Variants in PDE1A observed in about 807,000 individuals in gnomAD.
PDE1A encodes phosphodiesterase 1A.
In PDE1A, 35 loss-of-function variants were observed where a neutral mutation model predicts 61.7. The ratio of observed to expected loss-of-function variants is 0.57; its 90% CI spans 0.43 to 0.75. The LOEUF (loss-of-function observed/expected upper bound fraction) is 0.75. Ranked by LOEUF, PDE1A falls within the 30% of genes least tolerant of loss-of-function variation. The pLI is 0.00. For missense variants in PDE1A, 597 were observed against 630.6 expected, an observed-to-expected ratio of 0.95 and a Z score of 0.57; for synonymous variants, 232 against 213.2, an observed-to-expected ratio of 1.09 and a Z score of -0.77.
At chr2:182,267,949 A>G (rs147947500) in intron 1 of PDE1A, among the ~76,000 whole-genome samples, 29 of 152,252 alleles carry the variant, frequency 1.9e-4, no homozygotes, top group African/African-American at 7.0e-4. Context: ...AAGCCATCCA[A>G]TAGACAAATT....
downstream of PDE1A, among the ~76,000 whole-genome samples, chr2:182,164,859 T>C (rs1691571296): frequency 6.6e-6 from 1 of 152,182 alleles, no homozygotes; most frequent in Admixed American, 6.6e-5. Flanking sequence ...CTGCATACAA[T>C]GCTATTGCCA....
chr2:182,323,695 A>G (rs1224062242), intron 1 of PDE1A, among the ~76,000 whole-genome samples: 1 of 152,146 alleles, frequency 6.6e-6, no homozygotes, highest in African/African-American at 2.4e-5. Context: ...AGGTCTGGCT[A>G]TCGTCAATGA....
intron 1 of PDE1A, among the ~76,000 whole-genome samples, chr2:182,271,317 A>G (rs188662781): frequency 1.8e-4 from 28 of 152,164 alleles, no homozygotes; most frequent in Admixed American, 1.6e-3. Context: ...CAAAAATAGT[A>G]TGGCAAACAG....
At chr2:182,655,892 C>A in the PDE1A span, among the ~76,000 whole-genome samples, 7 of 152,300 alleles carry the variant, frequency 4.6e-5, no homozygotes, top group African/African-American at 1.7e-4. Context: ...TGACCACTGT[C>A]ACAATTAAAT....
At chr2:182,178,212 T>C (rs973742050) in intron 13 of PDE1A, among the ~76,000 whole-genome samples, 17 of 152,180 alleles carry the variant, frequency 1.1e-4, no homozygotes, top group African/African-American at 3.9e-4. Flanking sequence ...GCCACATCCA[T>C]GCATGGCTAA....
At chr2:182,516,147 T>C (rs1367760677) in intron 2 of PDE1A, among the ~76,000 whole-genome samples, 1 of 152,190 alleles carries the variant, frequency 6.6e-6, no homozygotes, top group Non-Finnish European at 1.5e-5. Context: ...AGCTCAGAAA[T>C]CTGGTGCAAA....
intron 10 of PDE1A, among the ~76,000 whole-genome samples, chr2:182,190,532 T>C (rs1027410317): frequency 6.6e-6 from 1 of 151,312 alleles, no homozygotes; most frequent in Non-Finnish European, 1.5e-5. Flanking sequence ...AATTTTGTGA[T>C]CTTGATTTAC....
the PDE1A span, among the ~76,000 whole-genome samples, chr2:182,593,875 C>T: frequency 6.6e-6 from 1 of 152,180 alleles, no homozygotes; most frequent in Admixed American, 6.5e-5. Flanking sequence ...ATAGCATCTG[C>T]ATATTTGAGT....
At chr2:182,674,667 T>C in the PDE1A span, among the ~76,000 whole-genome samples, 3 of 151,890 alleles carry the variant, frequency 2.0e-5, no homozygotes, top group African/African-American at 7.2e-5. Flanking sequence ...CCTCTGATCA[T>C]AGTGAGGCAG....
intron 13 of PDE1A, among the ~76,000 whole-genome samples, chr2:182,160,953 T>C (rs1691344929): frequency 6.6e-6 from 1 of 152,186 alleles, no homozygotes; most frequent in African/African-American, 2.4e-5. Context: ...TGGCGTGAAC[T>C]GTTTATAGAG....
chr2:182,257,489 A>G (rs1225802435), intron 2 of PDE1A, among the ~76,000 whole-genome samples: 1 of 152,202 alleles, frequency 6.6e-6, no homozygotes, highest in African/African-American at 2.4e-5. Flanking sequence ...CTCCTTTGGC[A>G]TTTAGAAGAC....
chr2:182,158,129 C>T (rs146161515), intron 13 of PDE1A, among the ~76,000 whole-genome samples: 38 of 152,208 alleles, frequency 2.5e-4, no homozygotes, highest in East Asian at 1.7e-3. Flanking sequence ...AGTTTGTGAA[C>T]GTAGTGGTGG....
the PDE1A span, among the ~76,000 whole-genome samples, chr2:182,568,966 A>AT: frequency 6.6e-6 from 1 of 151,972 alleles, no homozygotes; most frequent in African/African-American, 2.4e-5. Flanking sequence ...TCATCTTGAT[A>AT]TTTTTTACAT....
the PDE1A span, among the ~76,000 whole-genome samples, chr2:182,568,510 CAGA>C: frequency 2.6e-5 from 4 of 151,980 alleles, no homozygotes; most frequent in Non-Finnish European, 5.9e-5. Context: ...ACTAAAAATA[CAGA>C]AAGTTAGCCA....
At chr2:182,651,791 T>C in the PDE1A span, among the ~76,000 whole-genome samples, 2 of 152,182 alleles carry the variant, frequency 1.3e-5, no homozygotes, top group Non-Finnish European at 2.9e-5. Context: ...AATAAAGGCA[T>C]AGCTAGAAAT....
At chr2:182,296,898 T>C (rs1261475546) in intron 1 of PDE1A, among the ~76,000 whole-genome samples, 1 of 152,236 alleles carries the variant, frequency 6.6e-6, no homozygotes, top group Non-Finnish European at 1.5e-5. Flanking sequence ...TTTTTCTTTC[T>C]GCCTTCCTAA....
At chr2:182,435,522 CT>C in intron 2 of PDE1A, among the ~76,000 whole-genome samples, 1 of 152,142 alleles carries the variant, frequency 6.6e-6, no homozygotes, top group Non-Finnish European at 1.5e-5. Flanking sequence ...GTTACAGAGG[CT>C]CACACCATCA....
chr2:182,628,709 G>A, the PDE1A span, among the ~76,000 whole-genome samples: 1 of 151,910 alleles, frequency 6.6e-6, no homozygotes, highest in African/African-American at 2.4e-5. Context: ...GTAATTTTAT[G>A]TAATAAGATC....
At chr2:182,416,193 C>T (rs1167771844) in intron 1 of PDE1A, among the ~76,000 whole-genome samples, 1 of 152,182 alleles carries the variant, frequency 6.6e-6, no homozygotes, top group Non-Finnish European at 1.5e-5. Context: ...TACACACCTA[C>T]AAATTATCAT....
Sources: allele counts gnomAD v4.1 joint callset (sites outside exome capture counted in the v4.1 genomes callset), GRCh38; gene constraint gnomAD v4.1.1; transcripts MANE v1.5; gene names NCBI Gene and HGNC (gene_info 2026-07-23, HGNC 2026-07-21).